The following RARB variants were observed in gnomAD, a reference collection of about 807,000 sequenced individuals.
RARB encodes the protein retinoic acid receptor beta.
A neutral mutation model predicts 51.9 loss-of-function variants in RARB; 17 were observed. That is an observed-to-expected ratio of 0.33 (90% CI 0.22 to 0.49). The LOEUF is 0.49. Ranked by LOEUF, RARB falls within the 20% of genes least tolerant of loss-of-function variation. RARB has a pLI of 0.99. For synonymous variants in RARB, 215 were observed against 195.4 expected (o/e 1.10, Z -0.84); for missense variants, 369 against 550.8 (o/e 0.67, Z 3.30).
intron 2 of RARB, among the ~76,000 whole-genome samples, chr3:24,907,962 G>A (rs1032420724): frequency 1.3e-5 from 2 of 152,066 alleles, no homozygotes; most frequent in African/African-American, 4.8e-5. Context: ...TGTTCCCCCT[G>A]CAATTCTAAA....
At chr3:24,978,191 G>A (rs573392479) in intron 2 of RARB, among the ~76,000 whole-genome samples, 1 of 151,856 alleles carries the variant, frequency 6.6e-6, no homozygotes, top group Non-Finnish European at 1.5e-5. Flanking sequence ...ATGTTCAACA[G>A]GGATATTGGC....
At chr3:25,578,651 C>T (rs1053739419) in intron 4 of RARB, among the ~76,000 whole-genome samples, 2 of 152,200 alleles carry the variant, frequency 1.3e-5, no homozygotes, top group South Asian at 2.1e-4. Context: ...TACTGTATAC[C>T]ACCAAGGTCC....
At chr3:25,506,335 G>A (rs532775816) in intron 3 of RARB, among the ~76,000 whole-genome samples, 34 of 151,556 alleles carry the variant, frequency 2.2e-4, no homozygotes, top group Non-Finnish European at 4.9e-4. Flanking sequence ...GCCCTGTGCA[G>A]TAGCTCACAC....
chr3:25,453,333 C>T (rs1304736996), intron 1 of RARB, among the ~76,000 whole-genome samples: 11 of 150,780 alleles, frequency 7.3e-5, no homozygotes, highest in Admixed American at 3.3e-4. Context: ...CTGCAACCTC[C>T]GCCTCCCGGG....
intron 3 of RARB, among the ~76,000 whole-genome samples, chr3:25,523,031 CTA>C (rs1698468338): frequency 1.3e-5 from 2 of 152,188 alleles, no homozygotes; most frequent in African/African-American, 4.8e-5. Context: ...TTGGTGACAA[CTA>C]TGTGTTTATT....
At chr3:25,555,955 A>G (rs1700039848) in intron 3 of RARB, among the ~76,000 whole-genome samples, 1 of 151,908 alleles carries the variant, frequency 6.6e-6, no homozygotes, top group African/African-American at 2.4e-5. Context: ...AGGGAAGTGG[A>G]TTGTGAAGCT....
intron 2 of RARB, among the ~76,000 whole-genome samples, chr3:25,043,353 C>G (rs1005798016): frequency 6.6e-6 from 1 of 152,226 alleles, no homozygotes; most frequent in African/African-American, 2.4e-5. Context: ...TGCATTCTTA[C>G]ACCAGTGACT....
intron 5 of RARB, among the ~76,000 whole-genome samples, chr3:25,408,143 C>G (rs551849056): frequency 6.6e-6 from 1 of 152,146 alleles, no homozygotes; most frequent in African/African-American, 2.4e-5. Context: ...CATATGTCAT[C>G]TTTCATTAAC....
At chr3:25,433,192 T>C (rs1412036215) in intron 1 of RARB, among the ~76,000 whole-genome samples, 1 of 152,212 alleles carries the variant, frequency 6.6e-6, no homozygotes, top group Non-Finnish European at 1.5e-5. Context: ...ATGACAATCA[T>C]GTATCTCTGA....
chr3:25,086,726 A>C (rs1316741969), intron 3 of RARB, among the ~76,000 whole-genome samples: 1 of 152,122 alleles, frequency 6.6e-6, no homozygotes, highest in Non-Finnish European at 1.5e-5. Flanking sequence ...CTTCCAGGTC[A>C]CAGGTGTATT....
At chr3:25,408,368 T>C (rs1490034754) in intron 5 of RARB, among the ~76,000 whole-genome samples, 3 of 151,964 alleles carry the variant, frequency 2.0e-5, no homozygotes, top group Non-Finnish European at 2.9e-5. Flanking sequence ...GTAGGGCACA[T>C]CTTCCTATGG....
intron 2 of RARB, among the ~76,000 whole-genome samples, chr3:24,896,403 G>C (rs1270735456): frequency 6.6e-6 from 1 of 152,042 alleles, no homozygotes; most frequent in Admixed American, 6.5e-5. Context: ...GGGATTACAG[G>C]GGCGCACCAC....
intron 2 of RARB, among the ~76,000 whole-genome samples, chr3:24,978,713 G>T (rs2125423437): frequency 6.7e-6 from 1 of 149,766 alleles, no homozygotes; most frequent in African/African-American, 2.5e-5. Context: ...CTCCTGGATT[G>T]ATTTTTTTTT....
chr3:25,165,355 T>G (rs1700543075), intron 4 of RARB, among the ~76,000 whole-genome samples: 1 of 152,116 alleles, frequency 6.6e-6, no homozygotes, highest in Non-Finnish European at 1.5e-5. Flanking sequence ...TATGCCAGTC[T>G]TCTCTCTCTG....
At chr3:25,510,772 A>G (rs1417873529) in intron 3 of RARB, among the ~76,000 whole-genome samples, 2 of 152,274 alleles carry the variant, frequency 1.3e-5, no homozygotes, top group East Asian at 1.9e-4. Flanking sequence ...AACTCATTTA[A>G]TGATAAAGAT....
intron 5 of RARB, among the ~76,000 whole-genome samples, chr3:25,236,494 A>C (rs1017424761): frequency 1.3e-5 from 2 of 152,122 alleles, no homozygotes; most frequent in African/African-American, 2.4e-5. Context: ...TGAACAATAC[A>C]TAAATAAAGT....
At chr3:24,841,185 T>C (rs1239072604) in intron 1 of RARB, among the ~76,000 whole-genome samples, 1 of 152,240 alleles carries the variant, frequency 6.6e-6, no homozygotes, top group Admixed American at 6.5e-5. Flanking sequence ...TATACTCAAT[T>C]CAACAATTCC....
intron 5 of RARB, among the ~76,000 whole-genome samples, chr3:25,186,676 A>G (rs1700983955): frequency 1.3e-5 from 2 of 152,150 alleles, no homozygotes; most frequent in Admixed American, 6.6e-5. Context: ...TAATGAATGA[A>G]AAACTCTTTA....
At chr3:25,409,489 G>A (rs1454624039) in intron 5 of RARB, among the ~76,000 whole-genome samples, 1 of 152,076 alleles carries the variant, frequency 6.6e-6, no homozygotes, top group Non-Finnish European at 1.5e-5. Flanking sequence ...TAGTGCCATA[G>A]GGTGTAAGAA....
Sources: gnomAD v4.1 joint callset for allele counts (sites outside exome capture counted in the v4.1 genomes callset) on GRCh38, gnomAD v4.1.1 for gene constraint, MANE v1.5 for transcripts, NCBI Gene and HGNC (gene_info 2026-07-23, HGNC 2026-07-21) for gene names.